Variants in GPC5 observed in about 807,000 individuals in gnomAD.
The protein encoded by GPC5 is glypican-5.
In GPC5, 47 loss-of-function variants were observed where a neutral mutation model predicts 53.9. The observed-to-expected ratio is 0.87, with a 90% CI of 0.69 to 1.11. GPC5 has a LOEUF of 1.11. GPC5 is among the 50% of genes most tolerant of loss of function. GPC5 has a pLI of 0.00. For synonymous variants in GPC5, 286 were observed against 263.3 expected, an observed-to-expected ratio of 1.09 and a Z score of -0.84; for missense variants, 748 against 713.1, an observed-to-expected ratio of 1.05 and a Z score of -0.56.
At chr13:92,865,603 A>C (rs1348437217) in intron 7 of GPC5, among the ~76,000 whole-genome samples, 1 of 152,128 alleles carries the variant, frequency 6.6e-6, no homozygotes, top group Non-Finnish European at 1.5e-5. Context: ...ACTATCATTC[A>C]TAATGTACTG....
chr13:92,282,995 AC>A (rs2042927820), intron 7 of GPC5, among the ~76,000 whole-genome samples: 2 of 152,188 alleles, frequency 1.3e-5, no homozygotes, highest in South Asian at 2.1e-4. Context: ...TATTCAGGAG[AC>A]CCATCTCACA....
chr13:91,439,077 T>C (rs1278120252), intron 1 of GPC5, among the ~76,000 whole-genome samples: 1 of 152,246 alleles, frequency 6.6e-6, no homozygotes, highest in Non-Finnish European at 1.5e-5. Context: ...TATTCGGGCA[T>C]CTTGGCTCAA....
At chr13:92,471,861 G>A (rs1352715757) in intron 7 of GPC5, among the ~76,000 whole-genome samples, 2 of 152,104 alleles carry the variant, frequency 1.3e-5, no homozygotes, top group African/African-American at 2.4e-5. Flanking sequence ...ATGTGGAGCT[G>A]GAGGGTGAAA....
At chr13:91,579,716 C>T (rs1020393795) in intron 2 of GPC5, among the ~76,000 whole-genome samples, 1 of 149,786 alleles carries the variant, frequency 6.7e-6, no homozygotes, top group African/African-American at 2.5e-5. Flanking sequence ...GCAACTTCTG[C>T]CCCCTGGGTT....
intron 7 of GPC5, among the ~76,000 whole-genome samples, chr13:92,632,121 A>C (rs188339814): frequency 6.6e-6 from 1 of 152,282 alleles, no homozygotes; most frequent in East Asian, 1.9e-4. Context: ...ATATTTACAC[A>C]CAAAAGTCAG....
At chr13:91,703,006 C>A (rs2036025521) in intron 3 of GPC5, among the ~76,000 whole-genome samples, 1 of 151,898 alleles carries the variant, frequency 6.6e-6, no homozygotes, top group Non-Finnish European at 1.5e-5. Flanking sequence ...TAAAAATATA[C>A]CTGTTGGTCA....
At chr13:92,399,115 C>A (rs1008894130) in intron 7 of GPC5, among the ~76,000 whole-genome samples, 1 of 152,206 alleles carries the variant, frequency 6.6e-6, no homozygotes, top group African/African-American at 2.4e-5. Context: ...ATTCAATATG[C>A]TTCATGATTT....
intron 7 of GPC5, among the ~76,000 whole-genome samples, chr13:92,641,633 G>C (rs1445675443): frequency 6.6e-6 from 1 of 152,106 alleles, no homozygotes; most frequent in Non-Finnish European, 1.5e-5. Context: ...CAATTGGTTT[G>C]AGGGGAAGAA....
At chr13:92,385,565 CATATACGCATATATAAT>C (rs1195851682) in intron 7 of GPC5, among the ~76,000 whole-genome samples, 4 of 139,854 alleles carry the variant, frequency 2.9e-5, no homozygotes, top group Admixed American at 7.4e-5. Context: ...TGCATATATA[CATATACGCATATATAAT>C]ATATACGCAT....
chr13:92,342,087 A>G (rs2043371485), intron 7 of GPC5, among the ~76,000 whole-genome samples: 1 of 152,022 alleles, frequency 6.6e-6, no homozygotes, highest in Admixed American at 6.6e-5. Context: ...CTTTTCCTCT[A>G]CTTCACCATC....
chr13:92,057,953 G>A (rs1377192186), intron 6 of GPC5, among the ~76,000 whole-genome samples: 1 of 152,046 alleles, frequency 6.6e-6, no homozygotes, highest in African/African-American at 2.4e-5. Context: ...CTCTGAAGTT[G>A]CAGGTTAGTT....
chr13:91,522,474 T>A (rs1053463766), intron 2 of GPC5, among the ~76,000 whole-genome samples: 7 of 152,180 alleles, frequency 4.6e-5, no homozygotes, highest in African/African-American at 1.4e-4. Flanking sequence ...AGCTGCGCAC[T>A]CTTTTTTCTT....
At chr13:92,780,918 A>G (rs1876002983) in intron 7 of GPC5, among the ~76,000 whole-genome samples, 1 of 152,072 alleles carries the variant, frequency 6.6e-6, no homozygotes. Flanking sequence ...CATTTTTATA[A>G]ATCAGTATCT....
At chr13:92,440,149 C>A (rs1877486979) in intron 7 of GPC5, among the ~76,000 whole-genome samples, 1 of 152,152 alleles carries the variant, frequency 6.6e-6, no homozygotes, top group Non-Finnish European at 1.5e-5. Context: ...AGGTGCATTA[C>A]ATAAGTATAT....
intron 3 of GPC5, among the ~76,000 whole-genome samples, chr13:91,712,316 A>ATG (rs910791795): frequency 4.6e-5 from 7 of 150,938 alleles, no homozygotes; most frequent in African/African-American, 1.2e-4. Context: ...GTGTGTGTAT[A>ATG]TGTGTGTGTG....
At chr13:91,822,012 T>C (rs2038503348) in intron 5 of GPC5, among the ~76,000 whole-genome samples, 1 of 152,210 alleles carries the variant, frequency 6.6e-6, no homozygotes, top group East Asian at 1.9e-4. Context: ...TTTTGTGCTT[T>C]TGGATTATTT....
chr13:91,718,248 C>T (rs1387415092), intron 3 of GPC5, among the ~76,000 whole-genome samples: 9 of 152,008 alleles, frequency 5.9e-5, no homozygotes, highest in Non-Finnish European at 1.3e-4. Context: ...GTAGCTGGGA[C>T]TACAGGCGTC....
At chr13:92,110,232 GAGACACAGACT>G (rs1322729769) in intron 6 of GPC5, among the ~76,000 whole-genome samples, 1 of 152,124 alleles carries the variant, frequency 6.6e-6, no homozygotes. Context: ...CATGCAAATA[GAGACACAGACT>G]AAACACCAGG....
chr13:92,581,629 A>C (rs1000703272), intron 7 of GPC5, among the ~76,000 whole-genome samples: 5 of 152,086 alleles, frequency 3.3e-5, no homozygotes, highest in African/African-American at 1.2e-4. Flanking sequence ...TTAATTTTTG[A>C]GTGAGCTCCA....
Sources: gnomAD v4.1 joint callset for allele counts (sites outside exome capture counted in the v4.1 genomes callset) on GRCh38, gnomAD v4.1.1 for gene constraint, MANE v1.5 for transcripts, NCBI Gene and HGNC (gene_info 2026-07-23, HGNC 2026-07-21) for gene names.